ARHGAP6: variants seen among roughly 807,000 people sequenced by gnomAD.
ARHGAP6 encodes the protein Rho GTPase activating protein 6, also known as rho GTPase-activating protein 6.
ARHGAP6 carries 16 observed loss-of-function variants against 55.7 expected under a neutral mutation model. The observed-to-expected ratio is 0.29, with a 90% CI of 0.19 to 0.44. The LOEUF (loss-of-function observed/expected upper bound fraction) is 0.44. Among genes scored for constraint, ARHGAP6 ranks in the 20% least tolerant of loss-of-function variants. The pLI, the probability that ARHGAP6 is intolerant of heterozygous loss-of-function variation, is 1.00. For missense variants in ARHGAP6, 698 were observed against 808.9 expected, an observed-to-expected ratio of 0.86 and a Z score of 1.66; for synonymous variants, 382 against 360.9, an observed-to-expected ratio of 1.06 and a Z score of -0.66.
At chrX:11,516,725 TG>T (rs1398834587) in intron 1 of ARHGAP6, among the ~76,000 whole-genome samples, 55 of 112,161 alleles carry the variant, frequency 4.9e-4, no homozygotes, top group African/African-American at 1.7e-3. Context: ...AAACATATTT[TG>T]TATGTTTTTA....
At chrX:11,501,618 CCTG>C (rs1448009631) in intron 1 of ARHGAP6, among the ~76,000 whole-genome samples, 10 of 111,814 alleles carry the variant, frequency 8.9e-5, no homozygotes, top group African/African-American at 2.6e-4. Flanking sequence ...CTTTTAATGG[CCTG>C]CTATTGACCA....
chrX:11,268,676 C>A (rs1353732172), intron 1 of ARHGAP6, among the ~76,000 whole-genome samples: 2 of 110,059 alleles, frequency 1.8e-5, no homozygotes, highest in African/African-American at 3.3e-5. Context: ...AACCTGGAGA[C>A]AGCATCCAGG....
intron 1 of ARHGAP6, among the ~76,000 whole-genome samples, chrX:11,343,986 ATGT>A (rs1451549007): frequency 8.9e-6 from 1 of 112,170 alleles, no homozygotes; most frequent in South Asian, 3.7e-4. Flanking sequence ...GTCATTGTAA[ATGT>A]TGTTTTGAAG....
intron 2 of ARHGAP6, among the ~76,000 whole-genome samples, chrX:11,197,971 G>C (rs997351132): frequency 2.7e-5 from 3 of 111,508 alleles, no homozygotes; most frequent in Non-Finnish European, 5.7e-5. Context: ...GAAACATATG[G>C]TGAAAAAAAT....
At chrX:11,518,462 CTTTTTT>C (rs368595944) in intron 1 of ARHGAP6, among the ~76,000 whole-genome samples, 6 of 74,916 alleles carry the variant, frequency 8.0e-5, no homozygotes, top group African/African-American at 3.1e-4. Flanking sequence ...TTTTTTTTTT[CTTTTTT>C]TTTTTTTTTT....
intron 1 of ARHGAP6, among the ~76,000 whole-genome samples, chrX:11,598,344 C>A (rs2051927177): frequency 8.9e-6 from 1 of 112,165 alleles, no homozygotes; most frequent in South Asian, 3.7e-4. Context: ...GTGCCACTTT[C>A]TTTAAAACAT....
chrX:11,386,525 G>A (rs1369023244), intron 1 of ARHGAP6, among the ~76,000 whole-genome samples: 3 of 111,310 alleles, frequency 2.7e-5, no homozygotes, highest in African/African-American at 9.8e-5. Context: ...GGTTTGCCTG[G>A]CCCAGATCCA....
At chrX:11,546,204 T>C (rs2051210644) in intron 1 of ARHGAP6, among the ~76,000 whole-genome samples, 1 of 110,973 alleles carries the variant, frequency 9.0e-6, no homozygotes, top group Non-Finnish European at 1.9e-5. Flanking sequence ...TGGGACATTA[T>C]TTATACCTAT....
intron 1 of ARHGAP6, among the ~76,000 whole-genome samples, chrX:11,656,262 G>A (rs1021890546): frequency 4.5e-5 from 5 of 112,005 alleles, no homozygotes; most frequent in East Asian, 2.8e-4. Flanking sequence ...TTAAATACAC[G>A]CCATTCCTTC....
At chrX:11,423,546 T>C (rs2049848151) in intron 1 of ARHGAP6, among the ~76,000 whole-genome samples, 1 of 111,875 alleles carries the variant, frequency 8.9e-6, no homozygotes, top group African/African-American at 3.3e-5. Context: ...GGAAGTGACA[T>C]CAGCAGCAGA....
At chrX:11,207,385 T>C (rs1399569799) in intron 2 of ARHGAP6, among the ~76,000 whole-genome samples, 1 of 111,925 alleles carries the variant, frequency 8.9e-6, no homozygotes, top group Non-Finnish European at 1.9e-5. Context: ...AAACTTGGTG[T>C]GCTCTAAATT....
At chrX:11,221,215 T>G (rs1178180252) in intron 2 of ARHGAP6, 1 of 114,247 alleles carries the variant, frequency 8.8e-6, no homozygotes, top group Non-Finnish European at 1.9e-5. Context: ...CTTCTGCTAG[T>G]TTTTGCATTT....
intron 1 of ARHGAP6, among the ~76,000 whole-genome samples, chrX:11,369,782 C>G (rs1362754703): frequency 8.9e-6 from 1 of 112,085 alleles, no homozygotes; most frequent in Non-Finnish European, 1.9e-5. Flanking sequence ...TTCTTCCCTG[C>G]CATTTCCCCC....
At chrX:11,517,277 G>A (rs1288531295) in intron 1 of ARHGAP6, among the ~76,000 whole-genome samples, 2 of 111,666 alleles carry the variant, frequency 1.8e-5, no homozygotes, top group Non-Finnish European at 3.8e-5. Context: ...CTGGCACACT[G>A]TCACTACTGC....
intron 1 of ARHGAP6, among the ~76,000 whole-genome samples, chrX:11,280,159 C>T (rs972052222): frequency 8.9e-6 from 1 of 111,828 alleles, no homozygotes; most frequent in African/African-American, 3.3e-5. Flanking sequence ...ACTGCTCTAA[C>T]CTAATGTCTC....
intron 1 of ARHGAP6, among the ~76,000 whole-genome samples, chrX:11,423,396 A>G (rs1466911168): frequency 2.7e-5 from 3 of 112,658 alleles, no homozygotes; most frequent in African/African-American, 9.7e-5. Flanking sequence ...CTATGTGAAA[A>G]CAGGTTCTCT....
intron 1 of ARHGAP6, chrX:11,300,808 G>T: frequency 4.8e-6 from 2 of 418,951 alleles, no homozygotes; most frequent in Non-Finnish European, 8.5e-6. Context: ...TATCATTTGA[G>T]ATGATATATT....
intron 8 of ARHGAP6, among the ~76,000 whole-genome samples, chrX:11,170,368 G>C (rs1170665853): frequency 8.9e-6 from 1 of 111,963 alleles, no homozygotes. Flanking sequence ...CACATGCAAA[G>C]ACAGAAACAT....
At chrX:11,603,885 A>G (rs1329935743) in intron 1 of ARHGAP6, among the ~76,000 whole-genome samples, 4 of 112,153 alleles carry the variant, frequency 3.6e-5, no homozygotes, top group African/African-American at 6.5e-5. Flanking sequence ...GTGTGAAACT[A>G]TCAAAAATGC....
Sources: gnomAD v4.1 joint callset for allele counts (sites outside exome capture counted in the v4.1 genomes callset) on GRCh38, gnomAD v4.1.1 for gene constraint, MANE v1.5 for transcripts, NCBI Gene and HGNC (gene_info 2026-07-23, HGNC 2026-07-21) for gene names.